GRID2: variants seen among roughly 807,000 people sequenced by gnomAD.
GRID2 encodes glutamate ionotropic receptor delta type subunit 2.
Under a neutral mutation model 114.8 loss-of-function variants are expected in GRID2, and 33 were observed. The ratio of observed to expected loss-of-function variants is 0.29; its 90% CI spans 0.22 to 0.38. The LOEUF (loss-of-function observed/expected upper bound fraction) is 0.38, where lower values mean the gene tolerates loss of function less well. Ranked by LOEUF, GRID2 falls within the 10% of genes least tolerant of loss-of-function variation. The pLI is 1.00. For synonymous variants in GRID2, 505 were observed against 449.9 expected, an observed-to-expected ratio of 1.12 and a Z score of -1.55; for missense variants, 1,184 against 1,257.7, an observed-to-expected ratio of 0.94 and a Z score of 0.89.
At chr4:92,441,521 G>A (rs916496247) in intron 1 of GRID2, among the ~76,000 whole-genome samples, 4 of 152,120 alleles carry the variant, frequency 2.6e-5, no homozygotes, top group Non-Finnish European at 5.9e-5. Context: ...TTGGCACCAC[G>A]GGGTGGATAG....
At chr4:92,455,406 T>G (rs1721160323) in intron 1 of GRID2, among the ~76,000 whole-genome samples, 1 of 152,086 alleles carries the variant, frequency 6.6e-6, no homozygotes, top group African/African-American at 2.4e-5. Context: ...AGAGTATCAA[T>G]TATGTGAATT....
At chr4:92,946,311 A>G (rs557122354) in intron 2 of GRID2, among the ~76,000 whole-genome samples, 3 of 152,118 alleles carry the variant, frequency 2.0e-5, no homozygotes, top group Admixed American at 1.3e-4. Flanking sequence ...TGACTATTCT[A>G]TTCCTTAGCC....
At chr4:93,741,159 C>CTATATATATATATACATATA (rs1400705743) in intron 14 of GRID2, among the ~76,000 whole-genome samples, 7 of 47,160 alleles carry the variant, frequency 1.5e-4, no homozygotes, top group South Asian at 8.6e-4. Flanking sequence ...ACCTGAGAAA[C>CTATATATATATATACATATA]TATATATATA....
chr4:93,153,662 T>C (rs1420118406), intron 4 of GRID2, among the ~76,000 whole-genome samples: 1 of 152,050 alleles, frequency 6.6e-6, no homozygotes, highest in Non-Finnish European at 1.5e-5. Context: ...TTGAAGGTGG[T>C]AGTGTCCCAG....
intron 2 of GRID2, among the ~76,000 whole-genome samples, chr4:92,899,900 T>C (rs994925584): frequency 2.0e-5 from 3 of 152,148 alleles, no homozygotes; most frequent in Non-Finnish European, 2.9e-5. Flanking sequence ...ATCAGGTTTA[T>C]GGAGGAGAGT....
At chr4:92,729,165 T>G (rs1292646243) in intron 2 of GRID2, among the ~76,000 whole-genome samples, 2 of 151,958 alleles carry the variant, frequency 1.3e-5, no homozygotes, top group Non-Finnish European at 2.9e-5. Flanking sequence ...ATGATCTATC[T>G]CTGACATGTT....
chr4:93,303,778 A>G (rs1048431217), intron 8 of GRID2, among the ~76,000 whole-genome samples: 3 of 152,044 alleles, frequency 2.0e-5, no homozygotes, highest in African/African-American at 4.8e-5. Context: ...CTTACCAACT[A>G]TGACTTACAG....
chr4:92,581,412 G>A (rs1320418129), intron 1 of GRID2, among the ~76,000 whole-genome samples: 1 of 151,932 alleles, frequency 6.6e-6, no homozygotes, highest in Admixed American at 6.6e-5. Context: ...TGTTCCTTAG[G>A]CAAGCACCCT....
chr4:93,526,805 A>T (rs1469071343), intron 13 of GRID2, among the ~76,000 whole-genome samples: 1 of 152,194 alleles, frequency 6.6e-6, no homozygotes, highest in African/African-American at 2.4e-5. Context: ...GTGAAACTCC[A>T]TCTCAAAAAT....
chr4:92,660,197 A>G (rs975264908), intron 2 of GRID2, among the ~76,000 whole-genome samples: 1 of 151,340 alleles, frequency 6.6e-6, no homozygotes, highest in Non-Finnish European at 1.5e-5. Flanking sequence ...GAGTTGGGCC[A>G]AGATTTCAAA....
At chr4:92,619,177 T>C (rs1465858617) in intron 2 of GRID2, among the ~76,000 whole-genome samples, 1 of 151,758 alleles carries the variant, frequency 6.6e-6, no homozygotes, top group Admixed American at 6.6e-5. Context: ...TCTTTGCTGA[T>C]AGGTCAGTGG....
chr4:92,872,611 G>A (rs542116207), intron 2 of GRID2, among the ~76,000 whole-genome samples: 4 of 152,270 alleles, frequency 2.6e-5, no homozygotes, highest in African/African-American at 9.6e-5. Flanking sequence ...ATCCATGCAA[G>A]TATATCTTCA....
At chr4:92,461,671 C>A (rs944499028) in intron 1 of GRID2, among the ~76,000 whole-genome samples, 1 of 151,912 alleles carries the variant, frequency 6.6e-6, no homozygotes, top group Non-Finnish European at 1.5e-5. Context: ...TTCCTGATCT[C>A]TTAAATCATC....
chr4:92,460,327 T>G (rs1721436321), intron 1 of GRID2, among the ~76,000 whole-genome samples: 1 of 151,754 alleles, frequency 6.6e-6, no homozygotes, highest in Admixed American at 6.6e-5. Context: ...AAATACTCAT[T>G]AGTTAAATTT....
At chr4:93,726,695 C>T (rs1318472691) in intron 14 of GRID2, among the ~76,000 whole-genome samples, 8 of 152,038 alleles carry the variant, frequency 5.3e-5, no homozygotes, top group Non-Finnish European at 5.9e-5. Flanking sequence ...TGAAGAGGTC[C>T]TTCACATCTC....
At chr4:92,883,496 A>G (rs905918452) in intron 2 of GRID2, among the ~76,000 whole-genome samples, 1 of 152,146 alleles carries the variant, frequency 6.6e-6, no homozygotes, top group African/African-American at 2.4e-5. Flanking sequence ...TCCTTTCCAC[A>G]AGGTTTTCAA....
At chr4:92,851,187 G>A (rs1424367611) in intron 2 of GRID2, among the ~76,000 whole-genome samples, 1 of 151,772 alleles carries the variant, frequency 6.6e-6, no homozygotes, top group Admixed American at 6.6e-5. Flanking sequence ...ATTACTGCTA[G>A]ACCTAAAATA....
intron 1 of GRID2, among the ~76,000 whole-genome samples, chr4:92,496,537 A>G (rs1723396843): frequency 6.6e-6 from 1 of 151,892 alleles, no homozygotes; most frequent in South Asian, 2.1e-4. Context: ...AAATTGAAAG[A>G]GAAGTTGAAG....
intron 4 of GRID2, among the ~76,000 whole-genome samples, chr4:93,144,951 G>C (rs1395189051): frequency 2.6e-5 from 4 of 151,570 alleles, no homozygotes; most frequent in African/African-American, 9.7e-5. Flanking sequence ...CTGAACCACA[G>C]GCCAAAACAA....
Sources: allele counts gnomAD v4.1 joint callset (sites outside exome capture counted in the v4.1 genomes callset), GRCh38; gene constraint gnomAD v4.1.1; transcripts MANE v1.5; gene names NCBI Gene and HGNC (gene_info 2026-07-23, HGNC 2026-07-21).